SF3B3: variants seen among roughly 807,000 people sequenced by gnomAD.
SF3B3 encodes SAP 130.
A neutral mutation model predicts 139.2 loss-of-function variants in SF3B3; 33 were observed. The ratio of observed to expected loss-of-function variants is 0.24; its 90% confidence interval spans 0.18 to 0.32. The LOEUF is 0.32. Among genes scored for constraint, SF3B3 ranks in the 10% least tolerant of loss-of-function variants. SF3B3 has a pLI of 1.00. For missense variants in SF3B3, 818 were observed against 1,509.4 expected, an observed-to-expected ratio of 0.54 and a Z score of 7.59; for synonymous variants, 596 against 563.6, an observed-to-expected ratio of 1.06 and a Z score of -0.81.
chr16:70,559,908 T>C (rs1366524522), intron 15 of SF3B3, among the ~76,000 whole-genome samples: 1 of 132,476 alleles, frequency 7.5e-6, no homozygotes, highest in Non-Finnish European at 1.6e-5. Flanking sequence ...GGCTTCTTTT[T>C]TTTTGAGGGG....
chr16:70,565,683 G>C (rs1383647996), intron 20 of SF3B3, 159 bp downstream of exon 20: 1 of 656,798 alleles, frequency 1.5e-6, no homozygotes, highest in Non-Finnish European at 2.6e-6. Context: ...CTGCAGTGAT[G>C]TTCTTGTGCC....
intron 24 of SF3B3, among the ~76,000 whole-genome samples, chr16:70,570,619 C>G (rs967568744): frequency 6.6e-6 from 1 of 152,126 alleles, no homozygotes; most frequent in African/African-American, 2.4e-5. Flanking sequence ...CGTGAGCCAC[C>G]CGCGCCCGGC....
At chr16:70,560,269 C>G (rs1181906079) in intron 15 of SF3B3, 200 bp from the exon 16 acceptor site, 1 of 423,486 alleles carries the variant, frequency 2.4e-6, no homozygotes. Flanking sequence ...TTAGTAGATG[C>G]TCCATAACTT....
Position 70,560,538 on chromosome 16 carries a change from C to A in SF3B3, c.2080C>A (p.Leu694Met). 6.2e-7 allele frequency: 1 copy of A among 1,613,932 alleles called. No homozygotes were observed. Among genetic ancestry groups the A allele is most frequent in the Admixed American group, 1.7e-5 (1 of 60,022 alleles). Residue 694 changes from leucine (L) to methionine (M), a missense_variant, in exon 16 of 26, where the codon CTG becomes ATG. By Grantham distance (15) the Leu-to-Met change is conservative. Around this residue, in one of 14 missense-constraint regions of SF3B3, gnomAD observed 170 missense variants for 353.0 expected, o/e 0.48. Coordinates refer to ENST00000302516, the MANE Select transcript of SF3B3 (RefSeq NM_012426.5). Reference sequence around the variant, plus strand: ...TTTGTCTGATACTCGCACTCGGTACCTGGGGTCCCGTCCTGTGAAGCTCTT... The same window carrying A: ...TTTGTCTGATACTCGCACTCGGTACATGGGGTCCCGTCCTGTGAAGCTCTT... ...GDLSDTRTRY[L>M]GSRPVKLFRV...
At chr16:70,566,528 C>T (rs965564731) in intron 20 of SF3B3, among the ~76,000 whole-genome samples, 4 of 152,080 alleles carry the variant, frequency 2.6e-5, no homozygotes, top group African/African-American at 9.7e-5. Flanking sequence ...CGCCACTGCA[C>T]TCCAGCGTGG....
intron 3 of SF3B3, chr16:70,529,652 ATTACTGTT>A (rs2050101991): frequency 1.2e-5 from 2 of 160,848 alleles, no homozygotes; most frequent in South Asian, 3.6e-4. Flanking sequence ...AATTTTATGA[ATTACTGTT>A]TTTCAGTATC....
intron 11 of SF3B3, among the ~76,000 whole-genome samples, chr16:70,553,156 A>C (rs1448166598): frequency 1.3e-5 from 2 of 152,218 alleles, no homozygotes; most frequent in Admixed American, 6.5e-5. Flanking sequence ...TCCTGATCTC[A>C]GGTGATCTAC....
At position 70,572,378 on chromosome 16, in the gene SF3B3, T is replaced by A. The variant is rs1169332673; in HGVS notation, c.*565T>A. 4 of 229,618 alleles carry A rather than the reference T, an allele frequency of 1.7e-5. No homozygotes were observed. Among genetic ancestry groups the A allele is most frequent in the African/African-American group, 9.4e-5 (4 of 42,570 alleles). The allele number at this position is 229,618 out of a possible 1,614,324, so 14.2% of individuals were successfully genotyped here. A position where few individuals can be genotyped will look rare whatever the true frequency, so the allele number is the denominator to read the frequency against. ...CCAAGTTAGAGCAGGAAGAACTGAG[T>A]AGACTCCTTCCTTCCAGATACCGAC... On this transcript the variant is annotated 3_prime_UTR_variant, in exon 26 of 26. Coordinates refer to ENST00000302516, the MANE Select transcript of SF3B3 (RefSeq NM_012426.5).
At chr16:70,531,413 G>C (rs1298795648) in intron 4 of SF3B3, among the ~76,000 whole-genome samples, 2 of 152,114 alleles carry the variant, frequency 1.3e-5, no homozygotes. Context: ...GAGTAGCTGG[G>C]ACTACAGGTG....
chr16:70,536,945 G>T (rs886749790), intron 6 of SF3B3, among the ~76,000 whole-genome samples: 1 of 151,754 alleles, frequency 6.6e-6, no homozygotes, highest in Admixed American at 6.6e-5. Flanking sequence ...CAAGTAGCTG[G>T]GACTACAGGC....
At chr16:70,532,371 GAC>G in intron 4 of SF3B3, 106 bp from the exon 5 acceptor site, 1 of 438,748 alleles carries the variant, frequency 2.3e-6, no homozygotes, top group South Asian at 5.2e-5. Context: ...AAAAAAAGAA[GAC>G]ATTTGTGGAC....
At position 70,556,838 on chromosome 16, in the gene SF3B3, C is replaced by T. The variant is rs906868037; in HGVS notation, c.1867-48C>T. On this transcript the variant is annotated intron_variant, in intron 14 of 25. Transcript: ENST00000302516. ...AGATTTCTCTGGGTATGTTTTTTTC[C>T]TAAAATTGTCATTTTCTGTGTTTTT... 5 of 1,606,918 alleles carry T rather than the reference C, an allele frequency of 3.1e-6. No individual in the cohort carries two copies. In the East Asian group the frequency reaches 8.9e-5, roughly 29 times the overall value.
chr16:70,569,807 TG>T lies in SF3B3; in HGVS notation c.3265-196del, dbSNP rs769362293. Reference sequence around the variant, plus strand: ...CCAAACCTGGCAGATTTTGTGGGTATGGGTATACGAGACCTCACTGTGTTGC... The same window carrying T: ...CCAAACCTGGCAGATTTTGTGGGTATGGTATACGAGACCTCACTGTGTTGC... On this transcript the variant is annotated intron_variant, in intron 23 of 25. Coordinates refer to ENST00000302516, the MANE Select transcript of SF3B3 (RefSeq NM_012426.5). 813 of 550,288 alleles carry T rather than the reference TG, an allele frequency of 1.5e-3. 1 individual carries two copies. The highest frequency in any genetic ancestry group is 2.3e-3 in the Non-Finnish European group (720 of 310,360). 34.1% of individuals were successfully genotyped at this position (550,288 alleles called of 1,614,324 possible).
rs376383039 is a variant in SF3B3, at chr16:70,570,040, C to T, written c.3299C>T (p.Thr1100Met). ...ATCATGAACTACCATGTCGGGGAGACGGTGCTGTCCTTGCAGAAGACCACG... is the reference window on the plus strand; with the variant it reads ...ATCATGAACTACCATGTCGGGGAGATGGTGCTGTCCTTGCAGAAGACCACG... The part of the protein sequence containing the change: ...EVIMNYHVGE[T>M]VLSLQKTTLI... The change falls in exon 24 of 26, where the codon ACG (threonine) becomes ATG (methionine). Residue 1100 changes from threonine (T) to methionine (M), a missense_variant. By Grantham distance (81) the Thr-to-Met change is moderately conservative (BLOSUM62 -1). This residue lies in a region of SF3B3 where 91 missense variants were observed against 171.8 expected (regional missense o/e 0.53). Coordinates refer to ENST00000302516, the MANE Select transcript of SF3B3 (RefSeq NM_012426.5). 1.7e-5 allele frequency: 27 copies of T among 1,613,938 alleles called. No homozygotes were observed. Among genetic ancestry groups the T allele is most frequent in the East Asian group, 6.7e-5 (3 of 44,882 alleles).
chr16:70,540,062 A>G (rs1484779968), intron 8 of SF3B3, among the ~76,000 whole-genome samples: 1 of 148,630 alleles, frequency 6.7e-6, no homozygotes, highest in Non-Finnish European at 1.5e-5. Flanking sequence ...GGCGTGAGCC[A>G]CTGCGCCCAG....
At chr16:70,546,359 T>C (rs1353607094) in intron 10 of SF3B3, among the ~76,000 whole-genome samples, 4 of 152,204 alleles carry the variant, frequency 2.6e-5, no homozygotes, top group Admixed American at 2.6e-4. Flanking sequence ...ACACAAAAAA[T>C]GCATATGTGC....
chr16:70,571,781 C>T lies in SF3B3; in HGVS notation c.3622C>T (p.Leu1208Phe), dbSNP rs947319784. The T allele has an allele frequency of 3.1e-6, 5 of 1,613,966 alleles. No individual in the cohort carries two copies. In the African/African-American group the frequency reaches 5.3e-5, roughly 17 times the overall value. ...AACCCCACCCGAAGTGTCCAAGAAA[C>T]TCGAGGATATCCGGACCCGCTACGC... ...DRTPPEVSKK[L>F]EDIRTRYAF Residue 1208 changes from leucine to phenylalanine, a missense_variant, in exon 26 of 26, where the codon CTC (leucine) becomes TTC (phenylalanine). Leu to Phe is a conservative substitution (Grantham distance 22). Transcript: ENST00000302516.
chr16:70,573,891 G>A lies in SF3B3; in HGVS notation c.*2078G>A, dbSNP rs1182969468. ...CTTTCCCCTGACCTTACTGGCAGAG[G>A]TTCTGCAGATGTTTCCTTTGGAAGA... On this transcript the variant is annotated 3_prime_UTR_variant, in exon 26 of 26. Transcript: ENST00000302516. 2 of 152,226 alleles carry A rather than the reference G, an allele frequency of 1.3e-5. No individual in the cohort carries two copies. The highest frequency in any genetic ancestry group is 2.9e-5 in the Non-Finnish European group (2 of 68,036). The allele number at this position is 152,226 out of a possible 1,614,324, so 9.4% of individuals were successfully genotyped here. A position where few individuals can be genotyped will look rare whatever the true frequency, so the allele number is the denominator to read the frequency against.
intron 1 of SF3B3, chr16:70,524,723 C>G (rs1252362716): frequency 6.6e-6 from 1 of 152,238 alleles, no homozygotes; most frequent in African/African-American, 2.4e-5. Flanking sequence ...CTTTGTCGCC[C>G]AGGCTGGAGT....
Sources: gnomAD v4.1 joint callset for allele counts (sites outside exome capture counted in the v4.1 genomes callset) on GRCh38, gnomAD v4.1.1 for gene constraint, gnomAD v4.1.1 regional missense constraint, MANE v1.5 for transcripts, NCBI Gene and HGNC (gene_info 2026-07-23, HGNC 2026-07-21) for gene names.